The following CARMIL1 variants were observed in gnomAD, a reference collection of about 807,000 sequenced individuals.
The protein encoded by CARMIL1 is F-actin-uncapping protein LRRC16A.
A neutral mutation model predicts 177.1 loss-of-function variants in CARMIL1; 90 were observed. That is an observed-to-expected ratio of 0.51 (90% CI 0.43 to 0.61). CARMIL1 has a LOEUF of 0.61. Among genes scored for constraint, CARMIL1 ranks in the 20% least tolerant of loss-of-function variants. The probability of loss-of-function intolerance (pLI) is 0.00; values close to 1 mark genes in which losing one functional copy is unlikely to be tolerated. For missense variants in CARMIL1, 1,380 were observed against 1,667.0 expected (o/e 0.83, Z 3.00); for synonymous variants, 577 against 606.2 (o/e 0.95, Z 0.71).
At chr6:25,464,919 G>T (rs1331512879) in intron 8 of CARMIL1, among the ~76,000 whole-genome samples, 1 of 152,058 alleles carries the variant, frequency 6.6e-6, no homozygotes, top group Non-Finnish European at 1.5e-5. Context: ...TTGAGCATGG[G>T]ATGAGTTGTG....
At chr6:25,582,286 G>T (rs962398109) in intron 31 of CARMIL1, among the ~76,000 whole-genome samples, 1 of 152,084 alleles carries the variant, frequency 6.6e-6, no homozygotes, top group Non-Finnish European at 1.5e-5. Flanking sequence ...GAGATTTCCC[G>T]TTGATCTCTG....
At chr6:25,511,459 G>C (rs2762355) in intron 20 of CARMIL1, among the ~76,000 whole-genome samples, 66,461 of 151,912 alleles carry the variant, frequency 0.44, 14,932 homozygotes, top group Middle Eastern at 0.52. Flanking sequence ...GATTTTGTCC[G>C]TTTCCTCTCA....
intron 33 of CARMIL1, among the ~76,000 whole-genome samples, chr6:25,604,102 C>T (rs1407884180): frequency 1.3e-5 from 2 of 152,270 alleles, no homozygotes; most frequent in Non-Finnish European, 2.9e-5. Flanking sequence ...GATAAGGTCT[C>T]GCTCTGTCAC....
chr6:25,585,761 T>C (rs1169630508), intron 31 of CARMIL1, among the ~76,000 whole-genome samples: 3 of 152,178 alleles, frequency 2.0e-5, no homozygotes, highest in South Asian at 2.1e-4. Context: ...TTAAGGAGCA[T>C]GCTGCCTTCA....
At chr6:25,295,516 T>A (rs1561947160) in intron 2 of CARMIL1, among the ~76,000 whole-genome samples, 1 of 152,250 alleles carries the variant, frequency 6.6e-6, no homozygotes, top group Non-Finnish European at 1.5e-5. Flanking sequence ...GATGCTTTTT[T>A]TTTCACCTGA....
At chr6:25,503,575 C>T (rs1016793527) in intron 17 of CARMIL1, among the ~76,000 whole-genome samples, 1 of 152,148 alleles carries the variant, frequency 6.6e-6, no homozygotes, top group Non-Finnish European at 1.5e-5. Context: ...ATGTAATCCT[C>T]TTAGAAAGAA....
At chr6:25,619,258 G>C (rs1355785106) in intron 36 of CARMIL1, among the ~76,000 whole-genome samples, 189 bp from the exon 37 acceptor site, 1 of 152,118 alleles carries the variant, frequency 6.6e-6, no homozygotes, top group Non-Finnish European at 1.5e-5. Flanking sequence ...TGTTGTTTCT[G>C]CTTTGTTGGT....
intron 8 of CARMIL1, among the ~76,000 whole-genome samples, chr6:25,456,336 A>G (rs970853270): frequency 1.3e-5 from 2 of 152,234 alleles, no homozygotes. Context: ...AACTGAATCT[A>G]GGACCAGTCC....
At chr6:25,314,345 T>A (rs1295957213) in intron 2 of CARMIL1, among the ~76,000 whole-genome samples, 6 of 148,150 alleles carry the variant, frequency 4.0e-5, no homozygotes, top group Non-Finnish European at 7.5e-5. Flanking sequence ...TGGTGGCACG[T>A]GCCTGTAGTC....
intron 4 of CARMIL1, among the ~76,000 whole-genome samples, chr6:25,432,138 T>C (rs1190812597): frequency 6.6e-6 from 1 of 152,214 alleles, no homozygotes; most frequent in African/African-American, 2.4e-5. Context: ...CGTTTGTTTT[T>C]TTAACAAGTG....
intron 17 of CARMIL1, among the ~76,000 whole-genome samples, chr6:25,506,495 G>A (rs1214650627): frequency 1.3e-5 from 2 of 152,150 alleles, no homozygotes; most frequent in Non-Finnish European, 2.9e-5. Context: ...GCAGTGAGTC[G>A]AGATCGTGCC....
chr6:25,471,028 C>T (rs942154040), intron 9 of CARMIL1, 141 bp from the exon 10 acceptor site: 15 of 508,368 alleles, frequency 3.0e-5, no homozygotes, highest in Middle Eastern at 3.5e-4. Flanking sequence ...CACGATGGTG[C>T]GTAGTAGTAG....
intron 2 of CARMIL1, among the ~76,000 whole-genome samples, chr6:25,312,806 G>C (rs1783939571): frequency 6.7e-6 from 1 of 148,216 alleles, no homozygotes; most frequent in Admixed American, 6.8e-5. Flanking sequence ...TTGCCACGTT[G>C]TAAGGAGATT....
chr6:25,459,274 T>TTCTTTCTCTTTCTTTCTTTC (rs1302680954), intron 8 of CARMIL1, among the ~76,000 whole-genome samples: 1 of 30,990 alleles, frequency 3.2e-5, no homozygotes, highest in African/African-American at 9.1e-5. Context: ...TTCTTTTTTT[T>TTCTTTCTCTTTCTTTCTTTC]TTTTTTAAGA....
intron 2 of CARMIL1, among the ~76,000 whole-genome samples, chr6:25,397,439 C>T (rs897129154): frequency 1.3e-5 from 2 of 152,140 alleles, no homozygotes; most frequent in Non-Finnish European, 1.5e-5. Flanking sequence ...GAGGGACAAG[C>T]AGTCAATAGG....
At chr6:25,475,538 A>C (rs917161047) in intron 11 of CARMIL1, among the ~76,000 whole-genome samples, 7 of 152,238 alleles carry the variant, frequency 4.6e-5, no homozygotes, top group Middle Eastern at 3.2e-3. Context: ...ATTAGTTATA[A>C]TAGTCAAAAA....
chr6:25,319,481 C>T (rs1784520126), intron 2 of CARMIL1, among the ~76,000 whole-genome samples: 1 of 152,056 alleles, frequency 6.6e-6, no homozygotes, highest in Non-Finnish European at 1.5e-5. Context: ...AACAGGAAGG[C>T]ACCTATAAAT....
Position 25,594,398 on chromosome 6 carries a change from A to G in CARMIL1, c.3007-17A>G. 6.7e-7 allele frequency: 1 copy of G among 1,490,514 alleles called. No homozygotes were observed. Among genetic ancestry groups the G allele is most frequent in the African/African-American group, 1.4e-5 (1 of 72,244 alleles). 92.3% of individuals were successfully genotyped at this position (1,490,514 alleles called of 1,614,324 possible). On this transcript the variant is annotated splice_polypyrimidine_tract_variant and intron_variant, in intron 31 of 36. Coordinates refer to ENST00000329474, the MANE Select transcript of CARMIL1 (RefSeq NM_017640.6). ...CAAGGTGCATGTGAATTAACATTACATCTGTTTGTTTTGCAGGTCTGTGCT... is the reference window on the plus strand; with the variant it reads ...CAAGGTGCATGTGAATTAACATTACGTCTGTTTGTTTTGCAGGTCTGTGCT...
intron 26 of CARMIL1, among the ~76,000 whole-genome samples, chr6:25,542,235 T>C (rs1162235825): frequency 6.6e-6 from 1 of 152,246 alleles, no homozygotes; most frequent in African/African-American, 2.4e-5. Context: ...CCTTTGGTGT[T>C]CGTTTCCTTC....
Sources: gnomAD v4.1 joint callset for allele counts (sites outside exome capture counted in the v4.1 genomes callset) on GRCh38, gnomAD v4.1.1 for gene constraint, MANE v1.5 for transcripts, NCBI Gene and HGNC (gene_info 2026-07-23, HGNC 2026-07-21) for gene names.